Variants in ETFA observed in about 807,000 individuals in gnomAD.
The protein encoded by ETFA is electron transfer flavoprotein subunit alpha, mitochondrial.
A neutral mutation model predicts 46.2 loss-of-function variants in ETFA; 22 were observed. That is an observed-to-expected ratio of 0.48 (90% confidence interval 0.34 to 0.68). The LOEUF is 0.68. Ranked by LOEUF, ETFA falls within the 30% of genes least tolerant of loss-of-function variation. ETFA has a pLI of 0.01. For missense variants in ETFA, 345 were observed against 401.1 expected, an observed-to-expected ratio of 0.86 and a Z score of 1.19; for synonymous variants, 131 against 139.9, an observed-to-expected ratio of 0.94 and a Z score of 0.45.
intron 9 of ETFA, chr15:76,259,082 C>T: frequency 6.4e-7 from 1 of 1,573,140 alleles, no homozygotes; most frequent in Non-Finnish European, 8.7e-7. Context: ...CCTGCCCTGG[C>T]TGCTCAGCCA....
At chr15:76,282,663 G>A (rs764377445) in intron 8 of ETFA, among the ~76,000 whole-genome samples, 6 of 152,140 alleles carry the variant, frequency 3.9e-5, no homozygotes, top group Non-Finnish European at 5.9e-5. Context: ...CACGTGTTAT[G>A]TAATAGAAAT....
chr15:76,284,915 A>G (rs1280288782), intron 7 of ETFA: 2 of 408,096 alleles, frequency 4.9e-6, no homozygotes, highest in South Asian at 3.4e-5. Context: ...AGGCAACAAG[A>G]GCGAAACTCC....
At chr15:76,278,267 T>C (rs2039615798) in intron 8 of ETFA, among the ~76,000 whole-genome samples, 1 of 152,218 alleles carries the variant, frequency 6.6e-6, no homozygotes. Context: ...TCAGCGTCTT[T>C]CTGACCTCCT....
chr15:76,308,005 A>T (rs1009280213), intron 1 of ETFA, among the ~76,000 whole-genome samples: 3 of 152,148 alleles, frequency 2.0e-5, no homozygotes, highest in African/African-American at 7.2e-5. Flanking sequence ...TATCACAAAC[A>T]TATATATGTA....
chr15:76,283,688 A>G, intron 8 of ETFA, 69 bp downstream of exon 8: 2 of 1,094,144 alleles, frequency 1.8e-6, no homozygotes, highest in Admixed American at 3.7e-5. Flanking sequence ...TTACACAAAA[A>G]TGAAATAATG....
intron 9 of ETFA, among the ~76,000 whole-genome samples, chr15:76,242,772 C>T (rs2039204871): frequency 6.6e-6 from 1 of 152,044 alleles, no homozygotes; most frequent in Non-Finnish European, 1.5e-5. Context: ...ATGAAAAAAG[C>T]CATCATAAAA....
At chr15:76,258,277 G>T (rs1263090171) in intron 9 of ETFA, among the ~76,000 whole-genome samples, 1 of 152,132 alleles carries the variant, frequency 6.6e-6, no homozygotes, top group Non-Finnish European at 1.5e-5. Flanking sequence ...TCGCTCTTGG[G>T]CAAGCCTCAT....
rs772717284 is a variant in ETFA, at chr15:76,231,378, T to C, written c.837A>G (p.Gly279=). ...IVAPELYIAV[G]ISGAIQHLAG... ...CTAAATGTTGGATGGCTCCAGATAT[T>C]CCAACAGCAATATAAAGTTCCTGAA... is the stretch of plus-strand genomic sequence containing the variant. The change falls in exon 10 of 12, where the codon GGA becomes GGG. Residue 279 remains glycine (G), a synonymous_variant. Coordinates refer to ENST00000557943, the MANE Select transcript of ETFA (RefSeq NM_000126.4). The C allele has an allele frequency of 2.5e-6, 4 of 1,603,024 alleles. No individual in the cohort carries two copies. The South Asian group carries it at 4.4e-5, about 18-fold the overall frequency.
At chr15:76,298,789 TAGC>T in intron 1 of ETFA, among the ~76,000 whole-genome samples, 1 of 151,826 alleles carries the variant, frequency 6.6e-6, no homozygotes, top group South Asian at 2.1e-4. Flanking sequence ...AAAAAAAAAA[TAGC>T]ATTGTCAGAA....
rs548190711 is a variant in ETFA, at chr15:76,295,208, A to G, written c.186+383T>C. ...ATTCAAATTCTTCTACCAATTAAAA[A>G]TTAACATCCATAATACTTTGTCCAG... is the stretch of plus-strand genomic sequence containing the variant. On this transcript the variant is annotated intron_variant, in intron 2 of 11. Transcript: ENST00000557943. Among the ~76,000 whole-genome samples the G allele has an allele frequency of 4.6e-5, 7 of 152,344 alleles. 1 individual carries two copies. Among genetic ancestry groups the G allele is most frequent in the African/African-American group, 1.7e-4 (7 of 41,574 alleles).
At chr15:76,245,794 G>T (rs1462934491) in intron 9 of ETFA, among the ~76,000 whole-genome samples, 1 of 152,180 alleles carries the variant, frequency 6.6e-6, no homozygotes, top group Non-Finnish European at 1.5e-5. Flanking sequence ...AGGTGGTTAG[G>T]AAGGTAAGGT....
At chr15:76,295,566 A>G (rs750886242) in intron 2 of ETFA, 25 bp downstream of exon 2, 11 of 1,600,850 alleles carry the variant, frequency 6.9e-6, no homozygotes, top group African/African-American at 5.4e-5. Context: ...AATATTTGCT[A>G]TGGCTGACCT....
chr15:76,258,529 T>C (rs1285762366), intron 9 of ETFA, among the ~76,000 whole-genome samples: 1 of 152,226 alleles, frequency 6.6e-6, no homozygotes, highest in Non-Finnish European at 1.5e-5. Context: ...CTTTGTGACT[T>C]GGAGGGGCAA....
At chr15:76,297,795 A>G (rs541021301) in intron 1 of ETFA, among the ~76,000 whole-genome samples, 1 of 152,224 alleles carries the variant, frequency 6.6e-6, no homozygotes, top group Non-Finnish European at 1.5e-5. Context: ...TACATCATAA[A>G]GGTACTCTAT....
intron 1 of ETFA, among the ~76,000 whole-genome samples, chr15:76,301,067 T>C (rs1240514295): frequency 6.6e-6 from 1 of 152,194 alleles, no homozygotes; most frequent in Non-Finnish European, 1.5e-5. Context: ...ATGGAGATGA[T>C]GATAATAATA....
intron 2 of ETFA, among the ~76,000 whole-genome samples, chr15:76,295,282 C>T (rs2039806267): frequency 6.6e-6 from 1 of 152,168 alleles, no homozygotes; most frequent in Non-Finnish European, 1.5e-5. Context: ...TATTCATCAA[C>T]ACAAAAAAGA....
intron 8 of ETFA, among the ~76,000 whole-genome samples, chr15:76,277,782 C>A (rs1354899085): frequency 6.6e-6 from 1 of 152,178 alleles, no homozygotes; most frequent in Admixed American, 6.5e-5. Context: ...GGATTACAGG[C>A]ATGAGCCACC....
intron 8 of ETFA, among the ~76,000 whole-genome samples, chr15:76,281,991 C>T (rs1276797766): frequency 6.6e-6 from 1 of 150,710 alleles, no homozygotes; most frequent in African/African-American, 2.4e-5. Flanking sequence ...GCAACCTCCG[C>T]CTTCTAGGTT....
chr15:76,259,740 G>A (rs1196322092), intron 9 of ETFA: 24 of 1,568,194 alleles, frequency 1.5e-5, no homozygotes, highest in South Asian at 4.4e-5. Flanking sequence ...ATGCAGTTCC[G>A]AGCGGCCAGG....
Sources: gnomAD v4.1 joint callset for allele counts (sites outside exome capture counted in the v4.1 genomes callset) on GRCh38, gnomAD v4.1.1 for gene constraint, MANE v1.5 for transcripts, NCBI Gene and HGNC (gene_info 2026-07-23, HGNC 2026-07-21) for gene names.